Variants in SLC4A10 observed in about 807,000 individuals in gnomAD.
SLC4A10 encodes sodium-driven chloride bicarbonate exchanger.
A neutral mutation model predicts 137.7 loss-of-function variants in SLC4A10; 42 were observed. The ratio of observed to expected loss-of-function variants is 0.30; its 90% confidence interval spans 0.24 to 0.39. The LOEUF is 0.39. Ranked by LOEUF, SLC4A10 falls within the 10% of genes least tolerant of loss-of-function variation. SLC4A10 has a pLI of 1.00. For synonymous variants in SLC4A10, 474 were observed against 464.1 expected, an observed-to-expected ratio of 1.02 and a Z score of -0.27; for missense variants, 925 against 1,355.0, an observed-to-expected ratio of 0.68 and a Z score of 4.98.
chr2:161,879,967 G>A (rs905485901), intron 9 of SLC4A10, among the ~76,000 whole-genome samples: 89 of 151,658 alleles, frequency 5.9e-4, no homozygotes, highest in African/African-American at 2.1e-3. Context: ...TTAGAATAAG[G>A]CTATCCATTA....
chr2:161,977,677 A>G, intron 25 of SLC4A10, 45 bp from the exon 26 acceptor site: 1 of 1,551,198 alleles, frequency 6.4e-7, no homozygotes, highest in East Asian at 2.3e-5. Context: ...GTAACCTTAA[A>G]TTAACTTTTT....
chr2:161,923,728 G>T (rs1225263293), intron 15 of SLC4A10, among the ~76,000 whole-genome samples: 1 of 151,890 alleles, frequency 6.6e-6, no homozygotes, highest in Non-Finnish European at 1.5e-5. Context: ...AATGTTAAAT[G>T]ATGAGTTAAT....
At chr2:161,938,430 T>C (rs999295670) in intron 15 of SLC4A10, among the ~76,000 whole-genome samples, 3 of 152,000 alleles carry the variant, frequency 2.0e-5, no homozygotes, top group African/African-American at 7.2e-5. Flanking sequence ...ATGGTGAGGA[T>C]TCATTACATG....
chr2:161,916,838 G>C lies in SLC4A10; in HGVS notation c.1997+10951G>C, dbSNP rs548220003. ...CCTACTCGAGAACTTTCTGTGAAAT[G>C]TTCAACTCCCTTCTCTCTGTCTCGC... is the stretch of plus-strand genomic sequence containing the variant. On this transcript the variant is annotated intron_variant, in intron 15 of 26. Transcript: ENST00000446997. 8.5e-5 allele frequency among the ~76,000 whole-genome samples: 13 copies of C among 152,206 alleles called. 1 individual carries two copies. The South Asian group carries it at 2.7e-3, about 32-fold the overall frequency.
intron 1 of SLC4A10, among the ~76,000 whole-genome samples, chr2:161,648,437 A>C (rs1477952848): frequency 6.6e-6 from 1 of 152,230 alleles, no homozygotes; most frequent in Non-Finnish European, 1.5e-5. Flanking sequence ...AAGAACTTTG[A>C]AGTGATTACT....
At chr2:161,713,065 A>G (rs2044467753) in intron 1 of SLC4A10, among the ~76,000 whole-genome samples, 1 of 151,788 alleles carries the variant, frequency 6.6e-6, no homozygotes, top group Non-Finnish European at 1.5e-5. Context: ...ACATAGAGAG[A>G]AAAGGTCATT....
At chr2:161,744,142 C>G (rs1229646237) in intron 1 of SLC4A10, among the ~76,000 whole-genome samples, 1 of 152,000 alleles carries the variant, frequency 6.6e-6, no homozygotes, top group Admixed American at 6.6e-5. Context: ...CTTGATTGCT[C>G]TAGCTAGGAC....
chr2:161,778,052 T>G (rs1298949087), intron 2 of SLC4A10, among the ~76,000 whole-genome samples: 1 of 151,990 alleles, frequency 6.6e-6, no homozygotes, highest in African/African-American at 2.4e-5. Context: ...AGAATGTTAT[T>G]TCCCATGTTT....
intron 1 of SLC4A10, among the ~76,000 whole-genome samples, chr2:161,754,241 C>A (rs1011307545): frequency 6.6e-6 from 1 of 152,034 alleles, no homozygotes; most frequent in Admixed American, 6.6e-5. Context: ...AATAGTGCAA[C>A]CTCTAGTTTA....
At chr2:161,949,063 A>G (rs1694337404) in intron 17 of SLC4A10, 85 bp from the exon 18 acceptor site, 2 of 814,010 alleles carry the variant, frequency 2.5e-6, no homozygotes, top group Non-Finnish European at 4.1e-6. Context: ...TAAAGTGTTT[A>G]TAAAGTGTGA....
At chr2:161,862,749 A>G in intron 5 of SLC4A10, 125 bp from the exon 6 acceptor site, 2 of 680,506 alleles carry the variant, frequency 2.9e-6, no homozygotes, top group East Asian at 3.3e-5. Context: ...TTTTTTAAAG[A>G]AGTTATTTCT....
At chr2:161,957,332 T>G in intron 20 of SLC4A10, 92 bp downstream of exon 20, 2 of 1,371,414 alleles carry the variant, frequency 1.5e-6, no homozygotes, top group Non-Finnish European at 2.0e-6. Context: ...AATTTGCAAA[T>G]ATTGTGTGGC....
At chr2:161,767,137 A>ATG (rs1224145795) in intron 1 of SLC4A10, among the ~76,000 whole-genome samples, 50 of 85,924 alleles carry the variant, frequency 5.8e-4, no homozygotes, top group South Asian at 1.3e-3. Context: ...ATATATATAT[A>ATG]TATGTGTGTG....
intron 1 of SLC4A10, among the ~76,000 whole-genome samples, chr2:161,654,273 A>T (rs1026508401): frequency 6.6e-6 from 1 of 152,148 alleles, no homozygotes; most frequent in Non-Finnish European, 1.5e-5. Context: ...TATATTTTGG[A>T]AATTAAACCT....
intron 23 of SLC4A10, among the ~76,000 whole-genome samples, chr2:161,969,874 T>A (rs75783176): frequency 0.013 from 2,013 of 152,298 alleles, 41 homozygotes; most frequent in East Asian, 0.099. Context: ...ATGGCCAAAT[T>A]ATTACACAGA....
chr2:161,738,951 A>C (rs11895877), intron 1 of SLC4A10, among the ~76,000 whole-genome samples: 308 of 152,268 alleles, frequency 2.0e-3, no homozygotes, highest in African/African-American at 7.0e-3. Flanking sequence ...TTTAGCCCCA[A>C]TTTTGCCAGA....
At chr2:161,969,517 C>A (rs544710955) in intron 23 of SLC4A10, among the ~76,000 whole-genome samples, 1 of 152,182 alleles carries the variant, frequency 6.6e-6, no homozygotes, top group South Asian at 2.1e-4. Flanking sequence ...ATTCTCTAGG[C>A]CATTGTACAC....
intron 15 of SLC4A10, among the ~76,000 whole-genome samples, chr2:161,908,555 G>A (rs1447332967): frequency 6.6e-6 from 1 of 150,998 alleles, no homozygotes; most frequent in Non-Finnish European, 1.5e-5. Context: ...CCTGCACGTT[G>A]TGCACATGTA....
intron 3 of SLC4A10, among the ~76,000 whole-genome samples, chr2:161,829,642 T>G (rs577043321): frequency 6.6e-5 from 10 of 152,238 alleles, no homozygotes; most frequent in Admixed American, 3.9e-4. Flanking sequence ...AAGGGAATGT[T>G]TTCTCATGTT....
Sources: allele counts gnomAD v4.1 joint callset (sites outside exome capture counted in the v4.1 genomes callset), GRCh38; gene constraint gnomAD v4.1.1; transcripts MANE v1.5; gene names NCBI Gene and HGNC (gene_info 2026-07-23, HGNC 2026-07-21).